Variants in CHST9 observed in about 807,000 individuals in gnomAD.
CHST9 encodes the protein GalNAc-4-sulfotransferase 2.
CHST9 carries 41 observed loss-of-function variants against 44.4 expected under a neutral mutation model. The ratio of observed to expected loss-of-function variants is 0.92; its 90% CI spans 0.72 to 1.20. The LOEUF (loss-of-function observed/expected upper bound fraction) is 1.20, where lower values mean the gene tolerates loss of function less well. Ranked by LOEUF, CHST9 falls within the 50% of genes most tolerant of loss-of-function variation. The pLI is 0.00. For synonymous variants in CHST9, 171 were observed against 178.4 expected, an observed-to-expected ratio of 0.96 and a Z score of 0.33; for missense variants, 504 against 516.5, an observed-to-expected ratio of 0.98 and a Z score of 0.23.
intron 4 of CHST9, among the ~76,000 whole-genome samples, chr18:26,961,430 T>C (rs571641323): frequency 2.6e-3 from 368 of 143,606 alleles, no homozygotes; most frequent in African/African-American, 9.3e-3. Context: ...ATCTGTTTCC[T>C]TTTTTTTTTT....
At chr18:27,022,824 C>T (rs1228392067) in intron 4 of CHST9, among the ~76,000 whole-genome samples, 1 of 152,194 alleles carries the variant, frequency 6.6e-6, no homozygotes, top group African/African-American at 2.4e-5. Context: ...TTTGGGATAA[C>T]ACATTGCTTA....
chr18:26,965,057 TC>T (rs1238190966), intron 4 of CHST9, among the ~76,000 whole-genome samples: 1 of 152,206 alleles, frequency 6.6e-6, no homozygotes, highest in African/African-American at 2.4e-5. Flanking sequence ...TTTGTAGTTG[TC>T]CAAAGTGATG....
chr18:27,143,866 G>T (rs772806478), intron 1 of CHST9, among the ~76,000 whole-genome samples: 13 of 152,070 alleles, frequency 8.5e-5, no homozygotes, highest in Non-Finnish European at 1.6e-4. Flanking sequence ...CCTAGATGAC[G>T]GGTTGATAGG....
In CHST9 at chr18:27,156,641, C is replaced by T. The variant is rs1430236092; in HGVS notation, c.-96-13736G>A. Among the ~76,000 whole-genome samples, 6 of 152,088 alleles carry T rather than the reference C, an allele frequency of 3.9e-5. No individual in the cohort carries two copies. In the East Asian group the frequency reaches 5.8e-4, roughly 15 times the overall value. On this transcript the variant is annotated intron_variant, in intron 1 of 5. Coordinates refer to ENST00000618847, the MANE Select transcript of CHST9 (RefSeq NM_031422.6). ...ATCTCAACAAACAAGTAAACAAAAA[C>T]GAGCAGCATTTAAGAGGCAATGGGC...
intron 4 of CHST9, among the ~76,000 whole-genome samples, chr18:26,974,476 G>A (rs2145177319): frequency 6.6e-6 from 1 of 152,286 alleles, no homozygotes; most frequent in South Asian, 2.1e-4. Flanking sequence ...TATAACTGCT[G>A]TTGAATTGAT....
chr18:26,930,139 G>A (rs2145083783), intron 5 of CHST9, among the ~76,000 whole-genome samples: 1 of 152,298 alleles, frequency 6.6e-6, no homozygotes, highest in East Asian at 1.9e-4. Context: ...ACTTAAGACA[G>A]CTCCCCAAAG....
intron 2 of CHST9, among the ~76,000 whole-genome samples, chr18:27,084,528 A>G (rs1367752140): frequency 3.4e-5 from 5 of 146,364 alleles, no homozygotes. Context: ...TGTTTGTTTC[A>G]GTCTTCTCTC....
At chr18:27,164,642 A>C (rs567145629) in intron 1 of CHST9, among the ~76,000 whole-genome samples, 4 of 152,334 alleles carry the variant, frequency 2.6e-5, no homozygotes, top group Admixed American at 2.0e-4. Flanking sequence ...ATGGATAAAA[A>C]AATAAATACA....
Position 27,038,911 on chromosome 18 carries a change from T to G in CHST9, c.160+9554A>C, listed in dbSNP as rs2057417088. Among the ~76,000 whole-genome samples, 5 of 152,202 alleles carry G rather than the reference T, an allele frequency of 3.3e-5. No individual in the cohort carries two copies. In the South Asian group the frequency reaches 1.0e-3, roughly 31 times the overall value. The stretch of plus-strand genomic sequence containing the variant: ...TGGCTTAAATAATATATCATTAAAT[T>G]AATTTCCCCTATTGCATTTTGCTTT... On this transcript the variant is annotated intron_variant, in intron 3 of 5. Transcript: ENST00000618847.
chr18:27,140,950 C>A (rs1309359048), intron 2 of CHST9, among the ~76,000 whole-genome samples: 3 of 152,022 alleles, frequency 2.0e-5, no homozygotes, highest in African/African-American at 7.3e-5. Flanking sequence ...CACAAAGTTA[C>A]TATATAAATT....
chr18:26,985,953 C>T (rs1273133951), intron 4 of CHST9, among the ~76,000 whole-genome samples: 1 of 152,098 alleles, frequency 6.6e-6, no homozygotes. Context: ...AAAACAAGAA[C>T]CAAAGTGATC....
intron 2 of CHST9, among the ~76,000 whole-genome samples, chr18:27,072,921 G>T (rs982345127): frequency 3.0e-4 from 46 of 152,078 alleles, no homozygotes; most frequent in African/African-American, 1.1e-3. Flanking sequence ...TGATTACCAG[G>T]AACTCATTAG....
At chr18:27,123,424 C>A (rs1002210862) in intron 2 of CHST9, among the ~76,000 whole-genome samples, 1 of 152,054 alleles carries the variant, frequency 6.6e-6, no homozygotes, top group Non-Finnish European at 1.5e-5. Flanking sequence ...TCAATAATAT[C>A]CTAGAGAGAC....
intron 1 of CHST9, among the ~76,000 whole-genome samples, chr18:27,182,584 T>C (rs757949664): frequency 6.6e-6 from 1 of 152,222 alleles, no homozygotes; most frequent in Non-Finnish European, 1.5e-5. Flanking sequence ...GGATGTATTA[T>C]GTAACTTAAT....
chr18:26,918,748 G>A (rs1476561650), intron 5 of CHST9, among the ~76,000 whole-genome samples: 1 of 152,110 alleles, frequency 6.6e-6, no homozygotes, highest in African/African-American at 2.4e-5. Flanking sequence ...AGACATCATG[G>A]TCATTCCACC....
At chr18:26,961,127 T>G (rs955617019) in intron 4 of CHST9, among the ~76,000 whole-genome samples, 2 of 152,166 alleles carry the variant, frequency 1.3e-5, no homozygotes, top group Non-Finnish European at 2.9e-5. Flanking sequence ...TGGGAGGTGA[T>G]GAACTCAAGC....
chr18:27,168,060 GT>G (rs2058804681), intron 1 of CHST9, among the ~76,000 whole-genome samples: 1 of 149,040 alleles, frequency 6.7e-6, no homozygotes, highest in Non-Finnish European at 1.5e-5. Context: ...AATCAGAGGA[GT>G]GAAAAGATTA....
intron 2 of CHST9, among the ~76,000 whole-genome samples, chr18:27,061,007 C>A (rs1179317561): frequency 2.0e-5 from 3 of 152,180 alleles, no homozygotes; most frequent in Non-Finnish European, 4.4e-5. Context: ...GAGAAACCAT[C>A]TCCTTTTCTT....
chr18:27,033,936 T>A (rs1415854497), intron 3 of CHST9, among the ~76,000 whole-genome samples: 2 of 152,180 alleles, frequency 1.3e-5, no homozygotes, highest in Non-Finnish European at 2.9e-5. Flanking sequence ...GAATTCCTCT[T>A]GCATTCCTCC....
Sources: allele counts gnomAD v4.1 joint callset (sites outside exome capture counted in the v4.1 genomes callset), GRCh38; gene constraint gnomAD v4.1.1; transcripts MANE v1.5; gene names NCBI Gene and HGNC (gene_info 2026-07-23, HGNC 2026-07-21).